Variants in SHISA9 observed in about 807,000 individuals in gnomAD.
SHISA9 encodes shisa family member 9, also known as protein shisa-9.
In SHISA9, 13 loss-of-function variants were observed where a neutral mutation model predicts 38.0. The observed-to-expected ratio is 0.34, with a 90% CI of 0.22 to 0.54. The LOEUF is 0.54. Ranked by LOEUF, SHISA9 falls within the 20% of genes least tolerant of loss-of-function variation. SHISA9 has a pLI of 0.91. For missense variants in SHISA9, 538 were observed against 575.8 expected, an observed-to-expected ratio of 0.93 and a Z score of 0.67; for synonymous variants, 275 against 242.0, an observed-to-expected ratio of 1.14 and a Z score of -1.27.
At chr16:13,396,642 G>A in the SHISA9 span, among the ~76,000 whole-genome samples, 1 of 152,202 alleles carries the variant, frequency 6.6e-6, no homozygotes, top group Non-Finnish European at 1.5e-5. Flanking sequence ...CATGTGGATT[G>A]TATTCCTTAT....
chr16:13,329,530 C>G, the SHISA9 span, among the ~76,000 whole-genome samples: 1 of 152,116 alleles, frequency 6.6e-6, no homozygotes, highest in African/African-American at 2.4e-5. Context: ...CATTTTCTTC[C>G]CACTCCTCTA....
chr16:12,987,483 C>G (rs1167530737), intron 2 of SHISA9, among the ~76,000 whole-genome samples: 1 of 152,144 alleles, frequency 6.6e-6, no homozygotes, highest in Non-Finnish European at 1.5e-5. Flanking sequence ...CCTCAGCAAA[C>G]TAACACAGGA....
the SHISA9 span, among the ~76,000 whole-genome samples, chr16:13,265,445 T>C: frequency 1.7e-5 from 2 of 114,336 alleles, no homozygotes; most frequent in Non-Finnish European, 1.8e-5. Flanking sequence ...TTCCCTTCTC[T>C]TTCTCTCCCT....
intron 2 of SHISA9, among the ~76,000 whole-genome samples, chr16:12,948,293 T>C (rs2071712267): frequency 6.6e-6 from 1 of 152,152 alleles, no homozygotes; most frequent in Admixed American, 6.5e-5. Context: ...TCTTGAACTA[T>C]TATATGATAC....
intron 2 of SHISA9, among the ~76,000 whole-genome samples, chr16:12,956,282 G>A (rs1226326213): frequency 1.3e-5 from 2 of 152,210 alleles, no homozygotes; most frequent in Non-Finnish European, 2.9e-5. Context: ...CTGTTGGTGA[G>A]AATGTAAATT....
chr16:13,187,229 C>T (rs1197067354), intron 2 of SHISA9, among the ~76,000 whole-genome samples: 6 of 152,016 alleles, frequency 3.9e-5, no homozygotes, highest in Non-Finnish European at 1.5e-5. Flanking sequence ...TCTGGCTCTG[C>T]ATGACCCATT....
At chr16:13,022,601 G>A (rs2072871643) in intron 2 of SHISA9, among the ~76,000 whole-genome samples, 1 of 152,002 alleles carries the variant, frequency 6.6e-6, no homozygotes. Flanking sequence ...CAGAGTGCTG[G>A]GATTACAGTT....
At chr16:13,280,417 G>A in the SHISA9 span, among the ~76,000 whole-genome samples, 5 of 151,472 alleles carry the variant, frequency 3.3e-5, no homozygotes, top group East Asian at 1.9e-4. Flanking sequence ...ATTATTTTCT[G>A]ACTTGTTCAT....
intron 2 of SHISA9, among the ~76,000 whole-genome samples, chr16:13,055,948 C>T (rs1411026582): frequency 6.6e-6 from 1 of 152,218 alleles, no homozygotes; most frequent in Non-Finnish European, 1.5e-5. Flanking sequence ...CAGCTAGATG[C>T]ACAGACTGTT....
chr16:13,221,530 C>T (rs1035323770), intron 4 of SHISA9, among the ~76,000 whole-genome samples: 5 of 149,572 alleles, frequency 3.3e-5, no homozygotes, highest in African/African-American at 9.9e-5. Flanking sequence ...ACCGAGAAAA[C>T]GGTCCTATAT....
the SHISA9 span, among the ~76,000 whole-genome samples, chr16:13,308,108 T>C: frequency 2.2e-4 from 33 of 152,228 alleles, no homozygotes; most frequent in African/African-American, 7.7e-4. Flanking sequence ...TGAGATCCTC[T>C]CAGAAAATAA....
chr16:13,354,589 AGAGT>A, the SHISA9 span, among the ~76,000 whole-genome samples: 1 of 149,914 alleles, frequency 6.7e-6, no homozygotes, highest in Non-Finnish European at 1.5e-5. Context: ...AGAACTGTAG[AGAGT>A]GAGTTGAGCA....
At chr16:13,000,245 C>T (rs889390799) in intron 2 of SHISA9, among the ~76,000 whole-genome samples, 1 of 151,906 alleles carries the variant, frequency 6.6e-6, no homozygotes, top group Non-Finnish European at 1.5e-5. Context: ...CCTGATTTCC[C>T]CATCTCTAAA....
chr16:13,411,185 C>A, the SHISA9 span, among the ~76,000 whole-genome samples: 2 of 152,184 alleles, frequency 1.3e-5, no homozygotes, highest in African/African-American at 4.8e-5. Flanking sequence ...ATGTTTCCTT[C>A]CTCCTTAAGT....
At chr16:13,395,832 G>A in the SHISA9 span, among the ~76,000 whole-genome samples, 324 of 152,268 alleles carry the variant, frequency 2.1e-3, no homozygotes, top group Middle Eastern at 0.017. Flanking sequence ...TCTCATAAAC[G>A]CCATGTGATC....
the SHISA9 span, among the ~76,000 whole-genome samples, chr16:13,341,614 A>C: frequency 6.6e-6 from 1 of 152,194 alleles, no homozygotes; most frequent in East Asian, 1.9e-4. Context: ...AGGAAGCATT[A>C]TTCTAGTTAC....
chr16:12,963,180 G>T (rs928534988), intron 2 of SHISA9, among the ~76,000 whole-genome samples: 21 of 152,194 alleles, frequency 1.4e-4, no homozygotes, highest in African/African-American at 5.1e-4. Flanking sequence ...TTTGTTCTTA[G>T]TTGTCAGCTG....
chr16:13,017,405 T>G (rs2141860088), intron 2 of SHISA9, among the ~76,000 whole-genome samples: 1 of 152,340 alleles, frequency 6.6e-6, no homozygotes, highest in East Asian at 1.9e-4. Context: ...GCCTTCCATG[T>G]TGGAATCATT....
At chr16:13,179,089 C>T (rs1181695054) in intron 2 of SHISA9, among the ~76,000 whole-genome samples, 2 of 152,054 alleles carry the variant, frequency 1.3e-5, no homozygotes, top group Admixed American at 6.6e-5. Context: ...GGGAGGCCGA[C>T]GTGGGCAGCT....
Sources: allele counts gnomAD v4.1 joint callset (sites outside exome capture counted in the v4.1 genomes callset), GRCh38; gene constraint gnomAD v4.1.1; transcripts MANE v1.5; gene names NCBI Gene and HGNC (gene_info 2026-07-23, HGNC 2026-07-21).